CDH18: variants seen among roughly 807,000 people sequenced by gnomAD.
CDH18 encodes cadherin 18, also known as cadherin-18.
In CDH18, 31 loss-of-function variants were observed where a neutral mutation model predicts 67.9. The ratio of observed to expected loss-of-function variants is 0.46; its 90% confidence interval spans 0.34 to 0.62. CDH18 has a LOEUF of 0.62. Among genes scored for constraint, CDH18 ranks in the 20% least tolerant of loss-of-function variants. CDH18 has a pLI of 0.01. For missense variants in CDH18, 890 were observed against 975.5 expected, an observed-to-expected ratio of 0.91 and a Z score of 1.17; for synonymous variants, 362 against 347.2, an observed-to-expected ratio of 1.04 and a Z score of -0.48.
chr5:19,819,080 T>C (rs1393735621), intron 3 of CDH18, among the ~76,000 whole-genome samples: 2 of 151,916 alleles, frequency 1.3e-5, no homozygotes, highest in Non-Finnish European at 2.9e-5. Context: ...TATACATATA[T>C]GTGTTTATAC....
intron 2 of CDH18, among the ~76,000 whole-genome samples, chr5:20,210,983 C>G (rs1203258084): frequency 6.6e-6 from 1 of 151,916 alleles, no homozygotes; most frequent in Non-Finnish European, 1.5e-5. Context: ...TCTAGATTTG[C>G]AACTTCATAA....
At chr5:20,397,736 T>C (rs1422990512) in intron 1 of CDH18, among the ~76,000 whole-genome samples, 1 of 152,176 alleles carries the variant, frequency 6.6e-6, no homozygotes, top group Admixed American at 6.5e-5. Flanking sequence ...TTTATTTTAA[T>C]TATATCCTAA....
intron 2 of CDH18, among the ~76,000 whole-genome samples, chr5:19,963,856 C>T (rs1229011387): frequency 6.6e-6 from 1 of 152,108 alleles, no homozygotes; most frequent in Admixed American, 6.5e-5. Context: ...GAGAAACAAA[C>T]ATCTTCTTCA....
intron 1 of CDH18, among the ~76,000 whole-genome samples, chr5:20,330,028 T>C (rs190035067): frequency 6.6e-6 from 1 of 152,192 alleles, no homozygotes; most frequent in Non-Finnish European, 1.5e-5. Context: ...AAAATAGTTA[T>C]GTGTTACCAA....
intron 2 of CDH18, among the ~76,000 whole-genome samples, chr5:19,881,327 T>C (rs1328824960): frequency 6.6e-6 from 1 of 152,078 alleles, no homozygotes; most frequent in Admixed American, 6.6e-5. Context: ...TTGAGTTACA[T>C]AATAAATAGA....
intron 8 of CDH18, among the ~76,000 whole-genome samples, chr5:19,565,927 G>A (rs1310852339): frequency 6.6e-6 from 1 of 151,880 alleles, no homozygotes; most frequent in African/African-American, 2.4e-5. Flanking sequence ...ACAATGGAAA[G>A]CGACAACCCA....
intron 2 of CDH18, among the ~76,000 whole-genome samples, chr5:20,005,248 T>C (rs941108540): frequency 2.0e-5 from 3 of 152,152 alleles, no homozygotes; most frequent in African/African-American, 7.2e-5. Flanking sequence ...CACTGAATAC[T>C]AGAAGACAGC....
intron 1 of CDH18, among the ~76,000 whole-genome samples, chr5:20,376,113 A>T (rs1304688479): frequency 2.9e-3 from 3 of 1,022 alleles, no homozygotes; most frequent in Admixed American, 0.014. Flanking sequence ...TTTTTTTTTG[A>T]GACGGAGTCT....
At chr5:20,192,384 G>C (rs2126721874) in intron 2 of CDH18, among the ~76,000 whole-genome samples, 1 of 152,130 alleles carries the variant, frequency 6.6e-6, no homozygotes, top group African/African-American at 2.4e-5. Flanking sequence ...TTTGGCTTTT[G>C]TTGCAATTGC....
intron 2 of CDH18, among the ~76,000 whole-genome samples, chr5:20,096,524 A>G (rs565136051): frequency 6.6e-6 from 1 of 152,272 alleles, no homozygotes; most frequent in African/African-American, 2.4e-5. Flanking sequence ...ACAGTTATAC[A>G]GATTTATCAC....
chr5:20,560,968 G>A (rs1387840048), intron 1 of CDH18, among the ~76,000 whole-genome samples: 1 of 152,056 alleles, frequency 6.6e-6, no homozygotes, highest in African/African-American at 2.4e-5. Context: ...TTGAACAGAT[G>A]TCTTAACAAA....
intron 9 of CDH18, among the ~76,000 whole-genome samples, chr5:19,532,010 T>A (rs1748694888): frequency 6.6e-6 from 1 of 152,122 alleles, no homozygotes; most frequent in Non-Finnish European, 1.5e-5. Context: ...TTGTGGAAAG[T>A]GACTAGATGC....
intron 5 of CDH18, among the ~76,000 whole-genome samples, chr5:19,673,469 T>A (rs1759038883): frequency 6.6e-6 from 1 of 152,022 alleles, no homozygotes; most frequent in African/African-American, 2.4e-5. Flanking sequence ...TAAACTAAGG[T>A]AAACCTTCAA....
intron 1 of CDH18, among the ~76,000 whole-genome samples, chr5:20,418,404 G>A (rs1747530498): frequency 6.6e-6 from 1 of 151,440 alleles, no homozygotes; most frequent in Admixed American, 6.6e-5. Flanking sequence ...TTTTAACTTC[G>A]TCCCTGGTTT....
chr5:20,329,881 A>G (rs1346166557), intron 1 of CDH18, among the ~76,000 whole-genome samples: 1 of 151,828 alleles, frequency 6.6e-6, no homozygotes, highest in East Asian at 1.9e-4. Flanking sequence ...CATGTATTTC[A>G]GATAACACAT....
At position 20,396,604 on chromosome 5, in the gene CDH18, G is replaced by A. The variant is rs62352814; in HGVS notation, c.-579-141099C>T. ...AAATTTGCAGCAAAATCAATGAATC[G>A]GGCAAATAATTTTATTCACAAACAT... On this transcript the variant is annotated intron_variant, in intron 1 of 14. Coordinates refer to the CDH18 transcript ENST00000507958. Among the ~76,000 whole-genome samples the A allele has an allele frequency of 4.1e-3, 627 of 151,292 alleles. 6 individuals carry two copies. The highest frequency in any genetic ancestry group is 0.014 in the South Asian group (65 of 4,758).
intron 2 of CDH18, among the ~76,000 whole-genome samples, chr5:20,148,728 A>G (rs931116906): frequency 4.6e-5 from 7 of 151,006 alleles, no homozygotes; most frequent in African/African-American, 1.5e-4. Context: ...CTTTACTCAT[A>G]TAACAGTATT....
chr5:20,015,516 T>C (rs1049368908), intron 2 of CDH18, among the ~76,000 whole-genome samples: 3 of 152,138 alleles, frequency 2.0e-5, no homozygotes, highest in Admixed American at 1.3e-4. Context: ...TTTACACTCA[T>C]GGCCAAGAAA....
At chr5:20,071,467 C>T (rs77724919) in intron 2 of CDH18, among the ~76,000 whole-genome samples, 1 of 152,016 alleles carries the variant, frequency 6.6e-6, no homozygotes, top group East Asian at 1.9e-4. Context: ...GTTGGTACAA[C>T]CACAAAGAAA....
Sources: allele counts gnomAD v4.1 joint callset (sites outside exome capture counted in the v4.1 genomes callset), GRCh38; gene constraint gnomAD v4.1.1; transcripts MANE v1.5; gene names NCBI Gene and HGNC (gene_info 2026-07-23, HGNC 2026-07-21).